DLC1: variants seen among roughly 807,000 people sequenced by gnomAD.
DLC1 encodes the protein rho GTPase-activating protein 7.
In DLC1, 54 loss-of-function variants were observed where a neutral mutation model predicts 140.3. The ratio of observed to expected loss-of-function variants is 0.38; its 90% CI spans 0.31 to 0.48. DLC1 has a LOEUF of 0.48. Ranked by LOEUF, DLC1 falls within the 20% of genes least tolerant of loss-of-function variation. DLC1 has a pLI of 0.96. For synonymous variants in DLC1, 986 were observed against 728.1 expected (o/e 1.35, Z -5.70); for missense variants, 2,536 against 1,907.0 (o/e 1.33, Z -6.14).
At chr8:13,316,537 C>T (rs1484781176) in intron 4 of DLC1, among the ~76,000 whole-genome samples, 1 of 152,004 alleles carries the variant, frequency 6.6e-6, no homozygotes, top group Non-Finnish European at 1.5e-5. Flanking sequence ...CAACAGGGTC[C>T]TTATTCCTCT....
chr8:13,136,222 G>A (rs1192423237), intron 5 of DLC1, among the ~76,000 whole-genome samples: 1 of 152,122 alleles, frequency 6.6e-6, no homozygotes, highest in Non-Finnish European at 1.5e-5. Context: ...GATTCAGGGG[G>A]TACATGTGCA....
intron 5 of DLC1, among the ~76,000 whole-genome samples, chr8:13,220,092 A>G (rs1828467446): frequency 6.6e-6 from 1 of 152,106 alleles, no homozygotes; most frequent in Non-Finnish European, 1.5e-5. Context: ...AATGTTCTGG[A>G]AGTAGATAAT....
chr8:13,381,711 G>C (rs1209605585), intron 4 of DLC1, among the ~76,000 whole-genome samples: 1 of 152,130 alleles, frequency 6.6e-6, no homozygotes, highest in Admixed American at 6.6e-5. Context: ...AGCCTCATGA[G>C]AGACCCTGTC....
intron 2 of DLC1, among the ~76,000 whole-genome samples, chr8:13,489,412 T>TACACACAC (rs10558551): frequency 0.072 from 9,508 of 132,224 alleles, 469 homozygotes; most frequent in African/African-American, 0.14. Flanking sequence ...ACACACACCA[T>TACACACAC]ACACACACAC....
intron 9 of DLC1, among the ~76,000 whole-genome samples, 183 bp from the exon 10 acceptor site, chr8:13,098,758 G>A (rs916865787): frequency 3.3e-5 from 5 of 152,194 alleles, no homozygotes; most frequent in African/African-American, 1.2e-4. Context: ...CAGGACTGTA[G>A]GCCTGTGCCA....
chr8:13,559,939 C>G (rs17094642), intron 1 of DLC1, among the ~76,000 whole-genome samples: 4,337 of 152,152 alleles, frequency 0.029, 173 homozygotes, highest in East Asian at 0.14. Context: ...TAAAGATGCC[C>G]AGAACCATTC....
At chr8:13,568,644 A>G (rs1289063020) in intron 1 of DLC1, among the ~76,000 whole-genome samples, 1 of 152,192 alleles carries the variant, frequency 6.6e-6, no homozygotes, top group East Asian at 1.9e-4. Flanking sequence ...ATTAATGGCT[A>G]AGTAGAGAAA....
chr8:13,404,738 C>G (rs1837448837), intron 2 of DLC1, among the ~76,000 whole-genome samples: 1 of 152,008 alleles, frequency 6.6e-6, no homozygotes, highest in Non-Finnish European at 1.5e-5. Flanking sequence ...TGGCTCACGC[C>G]TATAATCCTA....
At chr8:13,154,217 C>T (rs1422356290) in intron 5 of DLC1, among the ~76,000 whole-genome samples, 1 of 152,252 alleles carries the variant, frequency 6.6e-6, no homozygotes, top group Non-Finnish European at 1.5e-5. Flanking sequence ...GGTGCTTGCG[C>T]TCCTCAGCCC....
At chr8:13,409,902 C>T (rs2117291546) in intron 2 of DLC1, among the ~76,000 whole-genome samples, 1 of 152,020 alleles carries the variant, frequency 6.6e-6, no homozygotes, top group Non-Finnish European at 1.5e-5. Flanking sequence ...GGAGGCTAAG[C>T]TATGTGTTTT....
intron 2 of DLC1, among the ~76,000 whole-genome samples, chr8:13,489,270 C>G (rs944729697): frequency 6.6e-6 from 1 of 152,062 alleles, no homozygotes. Context: ...AATGATAAAA[C>G]TTGATGCCTC....
chr8:13,328,535 G>GT lies in DLC1; in HGVS notation c.1315-23234dup, dbSNP rs1444630905. ...CTAGGTCATCACAGGAGCTGAATTT[G>GT]TTTTTGGAGAAGCTCAACTAGAGAG... is the stretch of plus-strand genomic sequence containing the variant. On this transcript the variant is annotated intron_variant, in intron 4 of 17. Transcript: ENST00000276297. Among the ~76,000 whole-genome samples the GT allele has an allele frequency of 3.3e-5, 5 of 152,294 alleles. No individual in the cohort carries two copies. In the East Asian group the frequency reaches 9.6e-4, roughly 29 times the overall value.
intron 5 of DLC1, chr8:13,214,715 A>C (rs1040045979): frequency 1.8e-5 from 14 of 780,846 alleles, no homozygotes; most frequent in Non-Finnish European, 3.3e-5. Context: ...TCCGAGTTGG[A>C]AAAATTGGAT....
intron 4 of DLC1, among the ~76,000 whole-genome samples, chr8:13,325,374 C>T (rs1258710366): frequency 6.6e-6 from 1 of 152,094 alleles, no homozygotes; most frequent in East Asian, 1.9e-4. Flanking sequence ...TCTTGCTTCC[C>T]ATATTCCTAC....
At chr8:13,137,603 G>GTTTTT (rs36035085) in intron 5 of DLC1, among the ~76,000 whole-genome samples, 1 of 134,374 alleles carries the variant, frequency 7.4e-6, no homozygotes. Flanking sequence ...TTTTGGTTTT[G>GTTTTT]TTTTTTTTTT....
At chr8:13,095,603 G>A (rs1818441890) in intron 10 of DLC1, 1 of 227,190 alleles carries the variant, frequency 4.4e-6, no homozygotes, top group Non-Finnish European at 8.9e-6. Context: ...GGAGAATTGG[G>A]GTCTACAGTC....
intron 4 of DLC1, among the ~76,000 whole-genome samples, chr8:13,386,656 C>G (rs1229037006): frequency 6.6e-6 from 1 of 151,946 alleles, no homozygotes; most frequent in Non-Finnish European, 1.5e-5. Context: ...TTCTGTTTTT[C>G]AAAGTCCAAA....
rs755906883 is a variant in DLC1 at position 13,099,944 on chromosome 8, C to T, written c.2393G>A (p.Arg798His). The T allele has an allele frequency of 1.9e-5, 31 of 1,613,222 alleles. No homozygotes were observed. Among genetic ancestry groups the T allele is most frequent in the Non-Finnish European group, 2.4e-5 (28 of 1,180,028 alleles). Residue 798 changes from arginine (R) to histidine (H), a missense_variant, in exon 9 of 18, where the codon CGC (arginine) becomes CAC (histidine). Physicochemically the swap from Arg to His is conservative, Grantham distance 29. Coordinates refer to ENST00000276297, the MANE Select transcript of DLC1 (RefSeq NM_182643.3). ...NNVVEQNFKN[R>H]ESYPEDTVFY... ...CACCGTGTCCTCTGGGTAGCTCTCG[C>T]GGTTCTTAAAGTTCTGCTCCACCAC...
intron 4 of DLC1, among the ~76,000 whole-genome samples, chr8:13,381,556 C>G (rs1316522943): frequency 6.6e-6 from 1 of 152,144 alleles, no homozygotes; most frequent in African/African-American, 2.4e-5. Flanking sequence ...GTCGTTGTCT[C>G]TTAGATTTTT....
Sources: gnomAD v4.1 joint callset for allele counts (sites outside exome capture counted in the v4.1 genomes callset) on GRCh38, gnomAD v4.1.1 for gene constraint, MANE v1.5 for transcripts, NCBI Gene and HGNC (gene_info 2026-07-23, HGNC 2026-07-21) for gene names.